The following PARD3B variants were observed in gnomAD, a reference collection of about 807,000 sequenced individuals.
The protein encoded by PARD3B is partitioning defective 3 homolog B.
PARD3B carries 103 observed loss-of-function variants against 130.2 expected under a neutral mutation model. The ratio of observed to expected loss-of-function variants is 0.79; its 90% CI spans 0.67 to 0.93. The LOEUF (loss-of-function observed/expected upper bound fraction) is 0.93. Among genes scored for constraint, PARD3B ranks in the 40% least tolerant of loss-of-function variants. The pLI is 0.00. For synonymous variants in PARD3B, 583 were observed against 553.2 expected, an observed-to-expected ratio of 1.05 and a Z score of -0.76; for missense variants, 1,609 against 1,499.2, an observed-to-expected ratio of 1.07 and a Z score of -1.21.
chr2:204,560,833 G>A (rs909565181), intron 1 of PARD3B, among the ~76,000 whole-genome samples: 1 of 152,034 alleles, frequency 6.6e-6, no homozygotes, highest in Non-Finnish European at 1.5e-5. Context: ...TGGAGGTGGA[G>A]GAACTGGCTC....
At chr2:205,298,166 G>T (rs1048237279) in intron 16 of PARD3B, among the ~76,000 whole-genome samples, 1 of 152,136 alleles carries the variant, frequency 6.6e-6, no homozygotes, top group African/African-American at 2.4e-5. Context: ...ATAAAAGATG[G>T]TTACTATTGC....
intron 4 of PARD3B, among the ~76,000 whole-genome samples, chr2:205,054,439 T>TATATATATATA (rs1559393406): frequency 2.0e-5 from 1 of 50,568 alleles, no homozygotes; most frequent in African/African-American, 7.6e-5. Context: ...TATATATATT[T>TATATATATATA]TTTTTTTTTT....
chr2:204,880,657 C>CAAAAAAAAAAAAAAAAAAAAAAAAAA (rs746023895), intron 2 of PARD3B, among the ~76,000 whole-genome samples: 1 of 55,466 alleles, frequency 1.8e-5, no homozygotes. Context: ...GACTCCATCT[C>CAAAAAAAAAAAAAAAAAAAAAAAAAA]AAAAAAAAAA....
chr2:205,167,449 C>G (rs1320646991), intron 11 of PARD3B, among the ~76,000 whole-genome samples: 1 of 152,060 alleles, frequency 6.6e-6, no homozygotes, highest in African/African-American at 2.4e-5. Flanking sequence ...CTAAAAATCA[C>G]TAGCAGATTG....
chr2:205,322,860 C>T (rs1241620927), intron 18 of PARD3B, among the ~76,000 whole-genome samples: 8 of 125,272 alleles, frequency 6.4e-5, no homozygotes, highest in Admixed American at 3.1e-4. Context: ...AAAGAAGGAA[C>T]GTGTGTTGTT....
chr2:204,847,576 T>G (rs1457826929), intron 2 of PARD3B, among the ~76,000 whole-genome samples: 2 of 152,146 alleles, frequency 1.3e-5, no homozygotes, highest in Non-Finnish European at 1.5e-5. Context: ...TGGTAAAATC[T>G]CGCACCATCT....
intron 19 of PARD3B, among the ~76,000 whole-genome samples, chr2:205,402,228 A>C (rs372199308): frequency 6.6e-6 from 1 of 152,214 alleles, no homozygotes; most frequent in African/African-American, 2.4e-5. Flanking sequence ...GTTAAAAGGA[A>C]ATCAAGTGTT....
chr2:205,167,813 T>G (rs919702323), intron 11 of PARD3B, among the ~76,000 whole-genome samples: 11 of 152,234 alleles, frequency 7.2e-5, no homozygotes, highest in African/African-American at 2.7e-4. Context: ...TCTCTGAGCC[T>G]TCATCTTTAC....
intron 16 of PARD3B, among the ~76,000 whole-genome samples, chr2:205,252,431 C>T (rs994964684): frequency 1.1e-4 from 16 of 152,174 alleles, no homozygotes; most frequent in African/African-American, 3.6e-4. Flanking sequence ...GAGTTCAATG[C>T]AAAAACCTCA....
chr2:205,346,370 T>G (rs1252881321), intron 18 of PARD3B, among the ~76,000 whole-genome samples: 3 of 151,928 alleles, frequency 2.0e-5, no homozygotes, highest in African/African-American at 4.8e-5. Context: ...CCTCCTTGCC[T>G]CCCCACAGCT....
At chr2:204,938,346 C>T (rs1018876464) in intron 2 of PARD3B, among the ~76,000 whole-genome samples, 2 of 152,186 alleles carry the variant, frequency 1.3e-5, no homozygotes, top group Admixed American at 1.3e-4. Flanking sequence ...TTCAACAAGC[C>T]AAAGCCTTTG....
chr2:205,611,468 T>G (rs775488890), intron 22 of PARD3B, among the ~76,000 whole-genome samples: 7 of 152,176 alleles, frequency 4.6e-5, no homozygotes, highest in Non-Finnish European at 1.0e-4. Flanking sequence ...AAAGAAGAAA[T>G]CCTTATGTAA....
intron 1 of PARD3B, among the ~76,000 whole-genome samples, chr2:204,568,064 T>G (rs989169920): frequency 6.6e-6 from 1 of 152,216 alleles, no homozygotes; most frequent in Admixed American, 6.5e-5. Context: ...TGTAAATCTG[T>G]GAAATGACAA....
At chr2:204,581,939 C>G (rs1020912399) in intron 1 of PARD3B, among the ~76,000 whole-genome samples, 1 of 152,120 alleles carries the variant, frequency 6.6e-6, no homozygotes, top group African/African-American at 2.4e-5. Context: ...TGAGACTTTT[C>G]CCCAATTTGT....
chr2:204,697,995 C>A (rs1425789346), intron 2 of PARD3B, among the ~76,000 whole-genome samples: 3 of 152,068 alleles, frequency 2.0e-5, no homozygotes, highest in African/African-American at 7.2e-5. Flanking sequence ...AAGTTTAGAT[C>A]CATGGCTGCC....
At chr2:205,017,696 T>G (rs1231876627) in intron 3 of PARD3B, among the ~76,000 whole-genome samples, 1 of 152,136 alleles carries the variant, frequency 6.6e-6, no homozygotes, top group Non-Finnish European at 1.5e-5. Context: ...ATGACTTGCT[T>G]AATTACTTAA....
rs146617548 is a variant in PARD3B, at chr2:204,611,474, A to G, written c.120+65355A>G. ...TCTCTGTCACTTTGGTTAAAATGTT[A>G]CTTTGGAAGGCAGAGGTCATTTGGA... On this transcript the variant is annotated intron_variant, in intron 1 of 22. Coordinates refer to ENST00000406610, the MANE Select transcript of PARD3B (RefSeq NM_001302769.2). 7.4e-4 allele frequency among the ~76,000 whole-genome samples: 112 copies of G among 152,310 alleles called. 1 individual carries two copies. The highest frequency in any genetic ancestry group is 1.3e-3 in the Admixed American group (20 of 15,292).
intron 1 of PARD3B, among the ~76,000 whole-genome samples, chr2:204,591,574 G>C (rs947388878): frequency 6.6e-6 from 1 of 152,184 alleles, no homozygotes; most frequent in East Asian, 1.9e-4. Context: ...TGGCTCATCA[G>C]TAGGGAAATT....
In PARD3B at chr2:205,117,915, G is replaced by GTACACACACACACACACACACACACA. The variant is rs1553617387; in HGVS notation, c.681-984_681-983insCACATACACACACACACACACACACA. 5.9e-3 allele frequency among the ~76,000 whole-genome samples: 790 copies of GTACACACACACACACACACACACACA among 133,588 alleles called. 5 individuals are homozygous for GTACACACACACACACACACACACACA. The highest frequency in any genetic ancestry group is 0.022 in the African/African-American group (735 of 34,032). The allele number at this position is 133,588 out of a possible 152,430, so 87.6% of individuals were successfully genotyped here. A position where few individuals can be genotyped will look rare whatever the true frequency, so the allele number is the denominator to read the frequency against. ...GTAACAGAATTGTGTATGTATGTGT[G>GTACACACACACACACACACACACACA]TACACACACACACACACACACATAC... On this transcript the variant is annotated intron_variant, in intron 6 of 22. Transcript: ENST00000406610.
Sources: allele counts gnomAD v4.1 joint callset (sites outside exome capture counted in the v4.1 genomes callset), GRCh38; gene constraint gnomAD v4.1.1; transcripts MANE v1.5; gene names NCBI Gene and HGNC (gene_info 2026-07-23, HGNC 2026-07-21).